Variants in RNGTT observed in about 807,000 individuals in gnomAD.
RNGTT encodes RNA guanylyltransferase and 5'-phosphatase.
RNGTT carries 33 observed loss-of-function variants against 79.3 expected under a neutral mutation model. That is an observed-to-expected ratio of 0.42 (90% CI 0.32 to 0.56). The LOEUF is 0.56. Among genes scored for constraint, RNGTT ranks in the 20% least tolerant of loss-of-function variants. The pLI is 0.17. For missense variants in RNGTT, 497 were observed against 739.1 expected, an observed-to-expected ratio of 0.67 and a Z score of 3.80; for synonymous variants, 222 against 235.9, an observed-to-expected ratio of 0.94 and a Z score of 0.54.
intron 1 of RNGTT, among the ~76,000 whole-genome samples, chr6:88,952,546 C>T (rs1785285584): frequency 6.6e-6 from 1 of 152,244 alleles, no homozygotes; most frequent in South Asian, 2.1e-4. Flanking sequence ...AATAATCCTG[C>T]TCCCAGGAAA....
intron 13 of RNGTT, among the ~76,000 whole-genome samples, chr6:88,696,769 G>A (rs1252269855): frequency 6.6e-6 from 1 of 152,044 alleles, no homozygotes; most frequent in East Asian, 1.9e-4. Context: ...CTTCAGACAA[G>A]TAAGAAAATT....
intron 4 of RNGTT, among the ~76,000 whole-genome samples, chr6:88,911,458 T>A (rs1275040158): frequency 1.3e-5 from 2 of 152,180 alleles, no homozygotes; most frequent in Admixed American, 1.3e-4. Flanking sequence ...ACACCCAATA[T>A]TGTAGCACGC....
intron 8 of RNGTT, among the ~76,000 whole-genome samples, chr6:88,872,183 T>C (rs1304359842): frequency 6.6e-6 from 1 of 152,190 alleles, no homozygotes; most frequent in Non-Finnish European, 1.5e-5. Context: ...TGCTAATCTA[T>C]GTTTTGTCAG....
chr6:88,691,270 TC>T (rs1354367516), intron 13 of RNGTT, among the ~76,000 whole-genome samples: 1 of 152,182 alleles, frequency 6.6e-6, no homozygotes, highest in East Asian at 1.9e-4. Flanking sequence ...AAGATGTGCC[TC>T]CTTCCTGTTT....
chr6:88,823,592 A>C (rs571529643), intron 11 of RNGTT, among the ~76,000 whole-genome samples: 1 of 152,332 alleles, frequency 6.6e-6, no homozygotes, highest in African/African-American at 2.4e-5. Context: ...CCAGTAAAAA[A>C]TAAAACTGAA....
intron 8 of RNGTT, among the ~76,000 whole-genome samples, chr6:88,860,338 G>A (rs950719858): frequency 6.6e-6 from 1 of 152,152 alleles, no homozygotes; most frequent in African/African-American, 2.4e-5. Context: ...TGGAAGAAAC[G>A]ATGGACACCA....
rs191784233 is a variant in RNGTT at position 88,806,317 on chromosome 6, G to A, written c.1270-4685C>T. Among the ~76,000 whole-genome samples, 525 of 147,196 alleles carry A rather than the reference G, an allele frequency of 3.6e-3. 4 individuals carry two copies. Among genetic ancestry groups the A allele is most frequent in the African/African-American group, 0.012 (491 of 40,096 alleles). ...CAACGTTGTCGAGAAAAAGGAACAC[G>A]CTTTTTTTTTTTTTTTTTGAGATGG... On this transcript the variant is annotated intron_variant, in intron 11 of 15. Coordinates refer to ENST00000369485, the MANE Select transcript of RNGTT (RefSeq NM_003800.5).
chr6:88,706,831 CTT>C (rs1305059010), intron 13 of RNGTT, among the ~76,000 whole-genome samples: 1 of 151,782 alleles, frequency 6.6e-6, no homozygotes, highest in Non-Finnish European at 1.5e-5. Flanking sequence ...TAGATACACA[CTT>C]TAAAAACCAG....
At chr6:88,719,213 T>A (rs1776624132) in intron 13 of RNGTT, among the ~76,000 whole-genome samples, 1 of 152,176 alleles carries the variant, frequency 6.6e-6, no homozygotes, top group South Asian at 2.1e-4. Context: ...CAATAAATGC[T>A]TACTTAATGA....
chr6:88,831,490 A>G (rs140640634), intron 11 of RNGTT, among the ~76,000 whole-genome samples: 1 of 152,328 alleles, frequency 6.6e-6, no homozygotes, highest in African/African-American at 2.4e-5. Context: ...ATCATACTAC[A>G]CGGGCAAAAG....
chr6:88,955,089 T>A (rs1259510922), intron 1 of RNGTT, among the ~76,000 whole-genome samples: 1 of 151,928 alleles, frequency 6.6e-6, no homozygotes, highest in Non-Finnish European at 1.5e-5. Flanking sequence ...ATTAAAACTA[T>A]ACAAATACAT....
At chr6:88,812,845 AG>A (rs1780185866) in intron 11 of RNGTT, among the ~76,000 whole-genome samples, 2 of 152,244 alleles carry the variant, frequency 1.3e-5, no homozygotes, top group South Asian at 4.1e-4. Context: ...AGATGCTTAA[AG>A]ACTTCTAAGG....
intron 2 of RNGTT, among the ~76,000 whole-genome samples, chr6:88,934,164 G>A (rs917606674): frequency 3.3e-5 from 5 of 152,042 alleles, no homozygotes; most frequent in Admixed American, 2.0e-4. Context: ...TCCTGAGTAG[G>A]TAAGATGGCA....
At chr6:88,637,815 T>A (rs1409551156) in intron 14 of RNGTT, among the ~76,000 whole-genome samples, 1 of 152,134 alleles carries the variant, frequency 6.6e-6, no homozygotes, top group Admixed American at 6.6e-5. Context: ...ATACTATTTT[T>A]AAAAATGACT....
intron 13 of RNGTT, among the ~76,000 whole-genome samples, chr6:88,692,179 G>A (rs953143951): frequency 7.2e-5 from 11 of 152,128 alleles, no homozygotes; most frequent in African/African-American, 2.7e-4. Flanking sequence ...CAAATGAAGT[G>A]CAGCCCATGA....
intron 14 of RNGTT, among the ~76,000 whole-genome samples, chr6:88,626,753 T>C (rs1030428728): frequency 1.3e-5 from 2 of 152,100 alleles, no homozygotes; most frequent in Admixed American, 6.6e-5. Flanking sequence ...AGCTTTTGTC[T>C]GATTTCTAGA....
intron 13 of RNGTT, among the ~76,000 whole-genome samples, chr6:88,684,008 G>A (rs570037315): frequency 1.3e-4 from 20 of 151,898 alleles, no homozygotes; most frequent in Admixed American, 5.3e-4. Flanking sequence ...GCAAAAACCC[G>A]TCTCTAAAAA....
At chr6:88,902,709 T>C (rs1783513816) in intron 6 of RNGTT, among the ~76,000 whole-genome samples, 1 of 148,494 alleles carries the variant, frequency 6.7e-6, no homozygotes, top group Non-Finnish European at 1.5e-5. Flanking sequence ...TTTTTTTTTT[T>C]TTTTTGAGAC....
chr6:88,775,945 A>G (rs1390028038), intron 12 of RNGTT, among the ~76,000 whole-genome samples: 1 of 152,198 alleles, frequency 6.6e-6, no homozygotes, highest in Admixed American at 6.5e-5. Flanking sequence ...GACCCACTGA[A>G]GGACATTTAG....
Sources: gnomAD v4.1 joint callset for allele counts (sites outside exome capture counted in the v4.1 genomes callset) on GRCh38, gnomAD v4.1.1 for gene constraint, MANE v1.5 for transcripts, NCBI Gene and HGNC (gene_info 2026-07-23, HGNC 2026-07-21) for gene names.